SAXO1: variants seen among roughly 807,000 people sequenced by gnomAD.
SAXO1 encodes the protein 4930500O09Rik.
A neutral mutation model predicts 17.5 loss-of-function variants in SAXO1; 21 were observed. The ratio of observed to expected loss-of-function variants is 1.20; its 90% confidence interval spans 0.85 to 1.72. SAXO1 has a LOEUF of 1.72. SAXO1 is among the 40% of genes most tolerant of loss of function. The probability of loss-of-function intolerance (pLI) is 0.00; values close to 1 mark genes in which losing one functional copy is unlikely to be tolerated. For missense variants in SAXO1, 843 were observed against 596.0 expected (o/e 1.41, Z -4.32); for synonymous variants, 274 against 216.5 (o/e 1.27, Z -2.33).
At chr9:18,931,711 G>C (rs1417278409) in intron 3 of SAXO1, among the ~76,000 whole-genome samples, 1 of 152,226 alleles carries the variant, frequency 6.6e-6, no homozygotes, top group East Asian at 1.9e-4. Context: ...AATTATTATA[G>C]ACATTCCAAT....
intron 3 of SAXO1, among the ~76,000 whole-genome samples, chr9:18,936,940 AT>A (rs1831321780): frequency 1.3e-5 from 2 of 152,170 alleles, no homozygotes; most frequent in South Asian, 2.1e-4. Flanking sequence ...AAGATTTCAT[AT>A]TTTTTCTGTG....
chr9:19,046,428 G>C (rs922688790), intron 1 of SAXO1, among the ~76,000 whole-genome samples: 1 of 152,192 alleles, frequency 6.6e-6, no homozygotes, highest in Non-Finnish European at 1.5e-5. Flanking sequence ...AGGTGCGGTG[G>C]CTCACGCCTG....
chr9:18,932,006 G>A (rs1831073153), intron 3 of SAXO1, among the ~76,000 whole-genome samples: 1 of 152,040 alleles, frequency 6.6e-6, no homozygotes, highest in Non-Finnish European at 1.5e-5. Flanking sequence ...CCTGACACCT[G>A]ACTCTTTTCA....
intron 1 of SAXO1, among the ~76,000 whole-genome samples, chr9:18,956,404 T>C (rs1435860156): frequency 6.6e-6 from 1 of 152,194 alleles, no homozygotes; most frequent in Non-Finnish European, 1.5e-5. Flanking sequence ...CAATAGTTTT[T>C]TAGAATCTAA....
chr9:18,930,880 A>C (rs1312274135), intron 3 of SAXO1, among the ~76,000 whole-genome samples: 1 of 152,184 alleles, frequency 6.6e-6, no homozygotes, highest in Non-Finnish European at 1.5e-5. Context: ...ACCAGATTTA[A>C]ATTAGCCCTA....
intron 1 of SAXO1, among the ~76,000 whole-genome samples, chr9:18,971,572 C>T (rs1832943938): frequency 6.6e-6 from 1 of 152,138 alleles, no homozygotes; most frequent in African/African-American, 2.4e-5. Flanking sequence ...TTCTTAGGGA[C>T]CTAACTCACT....
At chr9:19,015,051 TGAA>T in intron 1 of SAXO1, among the ~76,000 whole-genome samples, 1 of 152,198 alleles carries the variant, frequency 6.6e-6, no homozygotes, top group East Asian at 1.9e-4. Context: ...CTGATGATGA[TGAA>T]GGGCGTTAAG....
intron 1 of SAXO1, among the ~76,000 whole-genome samples, chr9:19,012,109 G>T (rs1303952528): frequency 2.0e-5 from 3 of 152,096 alleles, no homozygotes; most frequent in Non-Finnish European, 4.4e-5. Context: ...CTCCCAAAGT[G>T]CTGGAATTAC....
chr9:19,044,632 G>A (rs1197833381), intron 1 of SAXO1, among the ~76,000 whole-genome samples: 6 of 152,188 alleles, frequency 3.9e-5, no homozygotes, highest in Admixed American at 2.6e-4. Flanking sequence ...GGGAGGCTGA[G>A]GCGGCAGATC....
chr9:18,995,802 G>A (rs1833976509), intron 1 of SAXO1, among the ~76,000 whole-genome samples: 1 of 152,180 alleles, frequency 6.6e-6, no homozygotes, highest in South Asian at 2.1e-4. Flanking sequence ...TATATAAGCT[G>A]GGTGTGGTGG....
intron 1 of SAXO1, among the ~76,000 whole-genome samples, chr9:19,003,068 CA>C (rs947467006): frequency 7.2e-5 from 11 of 152,082 alleles, no homozygotes; most frequent in African/African-American, 2.7e-4. Flanking sequence ...AATCAATGTG[CA>C]AAAATCACAA....
intron 1 of SAXO1, among the ~76,000 whole-genome samples, chr9:18,988,664 C>A (rs1488780555): frequency 6.6e-6 from 1 of 152,008 alleles, no homozygotes; most frequent in South Asian, 2.1e-4. Context: ...ATATGCATGC[C>A]CATTGTATGT....
chr9:18,973,514 T>C (rs900327370), intron 1 of SAXO1, among the ~76,000 whole-genome samples: 3 of 152,236 alleles, frequency 2.0e-5, no homozygotes, highest in African/African-American at 4.8e-5. Context: ...TCAAACAAAA[T>C]GCAGCCAAAA....
chr9:18,982,882 T>A (rs1024051459), intron 1 of SAXO1, among the ~76,000 whole-genome samples: 1 of 152,144 alleles, frequency 6.6e-6, no homozygotes, highest in African/African-American at 2.4e-5. Flanking sequence ...CAGAGTCCAA[T>A]CAGGAGAAAC....
chr9:19,029,458 C>T (rs1835660117), intron 1 of SAXO1, among the ~76,000 whole-genome samples: 1 of 152,188 alleles, frequency 6.6e-6, no homozygotes, highest in South Asian at 2.1e-4. Flanking sequence ...CCAGATTTCC[C>T]ATTGCTTTTT....
intron 1 of SAXO1, among the ~76,000 whole-genome samples, chr9:19,003,093 C>A (rs1156306478): frequency 6.6e-6 from 1 of 152,108 alleles, no homozygotes; most frequent in Non-Finnish European, 1.5e-5. Flanking sequence ...TTCCTATACA[C>A]AAAGAACAGA....
rs747961190 is a variant in SAXO1 at position 18,928,151 on chromosome 9, T to C, written c.1326A>G (p.Ile442Met). The change falls in exon 4 of 4, where the codon ATA (isoleucine) becomes ATG (methionine). Residue 442 changes from isoleucine to methionine, a missense_variant. Ile to Met is a conservative substitution (Grantham distance 10, BLOSUM62 1). Coordinates refer to ENST00000380534, the MANE Select transcript of SAXO1 (RefSeq NM_153707.4). ...FEEVDALGHR[I>M]YKPVSQAGSQ... ...AGCCTGCCTGGGAAACTGGTTTGTATATCCTGTGACCCAAAGCATCCACTT... is the reference window on the plus strand; with the variant it reads ...AGCCTGCCTGGGAAACTGGTTTGTACATCCTGTGACCCAAAGCATCCACTT... The C allele has an allele frequency of 1.9e-5, 31 of 1,614,082 alleles. No homozygotes were observed. Among genetic ancestry groups the C allele is most frequent in the Middle Eastern group, 1.6e-4 (1 of 6,084 alleles).
At chr9:19,006,762 G>C (rs1834497146) in intron 1 of SAXO1, among the ~76,000 whole-genome samples, 1 of 152,156 alleles carries the variant, frequency 6.6e-6, no homozygotes, top group Non-Finnish European at 1.5e-5. Flanking sequence ...TGGTTAAAAT[G>C]AGGCCAGGTG....
rs73645549 is a variant in SAXO1, at chr9:18,974,056, G to T, written c.39-23119C>A. ...ACTTGGGGCCCTTATGTCTTATGTTGGTGGCAGTGTGCCCTTATGGCCAAG... is the reference window on the plus strand; with the variant it reads ...ACTTGGGGCCCTTATGTCTTATGTTTGTGGCAGTGTGCCCTTATGGCCAAG... On this transcript the variant is annotated intron_variant, in intron 1 of 3. Transcript: ENST00000380534. 9.6e-3 allele frequency among the ~76,000 whole-genome samples: 1,464 copies of T among 152,284 alleles called. 20 individuals carry two copies. The highest frequency in any genetic ancestry group is 0.031 in the African/African-American group (1,291 of 41,550).
Sources: gnomAD v4.1 joint callset for allele counts (sites outside exome capture counted in the v4.1 genomes callset) on GRCh38, gnomAD v4.1.1 for gene constraint, MANE v1.5 for transcripts, NCBI Gene and HGNC (gene_info 2026-07-23, HGNC 2026-07-21) for gene names.